The following CC2D2B variants were observed in gnomAD, a reference collection of about 807,000 sequenced individuals.
CC2D2B encodes coiled-coil and C2 domain containing 2B.
In CC2D2B, 128 loss-of-function variants were observed where a neutral mutation model predicts 161.2. The observed-to-expected ratio is 0.79, with a 90% confidence interval of 0.69 to 0.92. The LOEUF is 0.92. Ranked by LOEUF, CC2D2B falls within the 40% of genes least tolerant of loss-of-function variation. The pLI, the probability that CC2D2B is intolerant of heterozygous loss-of-function variation, is 0.00. For synonymous variants in CC2D2B, 391 were observed against 449.8 expected, an observed-to-expected ratio of 0.87 and a Z score of 1.65; for missense variants, 1,173 against 1,375.1, an observed-to-expected ratio of 0.85 and a Z score of 2.32.
intron 17 of CC2D2B, among the ~76,000 whole-genome samples, chr10:95,975,010 G>A (rs1296975618): frequency 6.6e-6 from 1 of 152,192 alleles, no homozygotes; most frequent in East Asian, 1.9e-4. Flanking sequence ...TGACAATGAT[G>A]TGTCAATGTA....
intron 32 of CC2D2B, among the ~76,000 whole-genome samples, chr10:96,024,166 C>A (rs2079587456): frequency 6.6e-6 from 1 of 152,122 alleles, no homozygotes; most frequent in African/African-American, 2.4e-5. Flanking sequence ...AGGAAGGGAA[C>A]TGGAAGAAAC....
At chr10:95,924,530 T>C in intron 4 of CC2D2B, 140 bp downstream of exon 4, 2 of 524,008 alleles carry the variant, frequency 3.8e-6, no homozygotes, top group Non-Finnish European at 6.8e-6. Context: ...TCTCTCTCTC[T>C]ATATATATAT....
intron 3 of CC2D2B, among the ~76,000 whole-genome samples, chr10:95,923,494 T>A (rs1164390359): frequency 2.0e-5 from 3 of 152,270 alleles, no homozygotes; most frequent in African/African-American, 7.2e-5. Flanking sequence ...TTATCACTCT[T>A]CTTTTTTAGA....
At chr10:96,030,067 C>T (rs2080002618) in intron 34 of CC2D2B, among the ~76,000 whole-genome samples, 1 of 152,122 alleles carries the variant, frequency 6.6e-6, no homozygotes, top group South Asian at 2.1e-4. Flanking sequence ...CCAGCCTTAG[C>T]CTCCCAAAGT....
chr10:95,938,712 G>A lies in CC2D2B; in HGVS notation c.672+7G>A. 1 of 708,930 alleles carries A rather than the reference G, an allele frequency of 1.4e-6. No individual in the cohort carries two copies. Among genetic ancestry groups the A allele is most frequent in the Non-Finnish European group, 2.6e-6 (1 of 382,538 alleles). 43.9% of individuals were successfully genotyped at this position (708,930 alleles called of 1,614,324 possible). A position where few individuals can be genotyped will look rare whatever the true frequency, so the allele number is the denominator to read the frequency against. ...CCTGCTTAAACTAGAAGAGGCAAGT[G>A]CACCACCTAACAAGTTAAAACACTG... On this transcript the variant is annotated splice_region_variant and intron_variant, in intron 8 of 34. Transcript: ENST00000646931.
At chr10:95,960,661 C>T (rs974442671) in intron 11 of CC2D2B, among the ~76,000 whole-genome samples, 6 of 152,052 alleles carry the variant, frequency 3.9e-5, no homozygotes, top group Non-Finnish European at 7.4e-5. Flanking sequence ...TACAAGTGTG[C>T]ACCATCATGC....
chr10:95,958,799 T>G (rs928299963), intron 11 of CC2D2B, among the ~76,000 whole-genome samples: 3 of 148,594 alleles, frequency 2.0e-5, no homozygotes, highest in Non-Finnish European at 4.4e-5. Flanking sequence ...TGGAGGAGAT[T>G]CAAAAGGAGA....
At chr10:95,993,834 G>GTATATATA (rs369610013) in intron 22 of CC2D2B, among the ~76,000 whole-genome samples, 2 of 109,988 alleles carry the variant, frequency 1.8e-5, no homozygotes, top group Non-Finnish European at 3.6e-5. Flanking sequence ...TATAAAGAGT[G>GTATATATA]TATATATATA....
At chr10:95,953,774 T>C (rs112915259) in intron 10 of CC2D2B, among the ~76,000 whole-genome samples, 13 of 152,298 alleles carry the variant, frequency 8.5e-5, no homozygotes, top group African/African-American at 2.9e-4. Flanking sequence ...TTTTCTGTCC[T>C]TCTCTTCATC....
chr10:95,979,723 A>C (rs531049760), intron 17 of CC2D2B, among the ~76,000 whole-genome samples: 1 of 152,332 alleles, frequency 6.6e-6, no homozygotes, highest in South Asian at 2.1e-4. Context: ...CTTTATTGAG[A>C]TACAACTCAC....
At chr10:95,925,651 A>C (rs191915148) in intron 5 of CC2D2B, among the ~76,000 whole-genome samples, 1 of 152,358 alleles carries the variant, frequency 6.6e-6, no homozygotes, top group East Asian at 1.9e-4. Context: ...GATTCAAAGT[A>C]AAGTGTTTTC....
chr10:95,917,550 G>C (rs1169398316), intron 2 of CC2D2B, among the ~76,000 whole-genome samples: 1 of 151,764 alleles, frequency 6.6e-6, no homozygotes, highest in Admixed American at 6.6e-5. Flanking sequence ...TATATTTTTT[G>C]TGTATCTGTG....
chr10:95,919,761 T>C (rs1272421617), intron 2 of CC2D2B: 1 of 152,164 alleles, frequency 6.6e-6, no homozygotes, highest in Non-Finnish European at 1.5e-5. Flanking sequence ...GGTTCCCTTC[T>C]GGCCCAGGGT....
intron 17 of CC2D2B, among the ~76,000 whole-genome samples, chr10:95,981,356 G>A (rs758813814): frequency 9.1e-5 from 12 of 131,530 alleles, no homozygotes; most frequent in Non-Finnish European, 1.1e-4. Context: ...TCGCGCCACC[G>A]CACTCCAGCC....
chr10:96,007,410 C>T (rs149346188), intron 25 of CC2D2B, among the ~76,000 whole-genome samples: 12 of 152,286 alleles, frequency 7.9e-5, no homozygotes, highest in Middle Eastern at 3.4e-3. Context: ...CCTAAGAAGC[C>T]TCCAGCATCC....
intron 10 of CC2D2B, 102 bp downstream of exon 10, chr10:95,950,207 G>A (rs2076352214): frequency 2.5e-6 from 1 of 396,524 alleles, no homozygotes; most frequent in African/African-American, 2.1e-5. Flanking sequence ...TATTTAAGTA[G>A]AACAATGGTT....
intron 2 of CC2D2B, chr10:95,919,648 T>C (rs2098522782): frequency 6.6e-6 from 1 of 152,018 alleles, no homozygotes; most frequent in South Asian, 2.1e-4. Flanking sequence ...CCTGAGAGTC[T>C]TGATGTTTAT....
chr10:95,944,717 A>G (rs188634311), intron 9 of CC2D2B, among the ~76,000 whole-genome samples: 13 of 152,348 alleles, frequency 8.5e-5, no homozygotes, highest in African/African-American at 2.9e-4. Flanking sequence ...TAGAATCCCA[A>G]GTTGGAAACC....
At chr10:96,022,211 C>T (rs920139827) in intron 32 of CC2D2B, among the ~76,000 whole-genome samples, 9 of 152,184 alleles carry the variant, frequency 5.9e-5, no homozygotes, top group African/African-American at 2.2e-4. Context: ...ATCCCAGTTA[C>T]TCAGGAGGCT....
Sources: gnomAD v4.1 joint callset for allele counts (sites outside exome capture counted in the v4.1 genomes callset) on GRCh38, gnomAD v4.1.1 for gene constraint, MANE v1.5 for transcripts, NCBI Gene and HGNC (gene_info 2026-07-23, HGNC 2026-07-21) for gene names.